The following FILIP1L variants were observed in gnomAD, a reference collection of about 807,000 sequenced individuals.
FILIP1L encodes the protein filamin A-interacting protein 1-like.
In FILIP1L, 55 loss-of-function variants were observed where a neutral mutation model predicts 96.6. The observed-to-expected ratio is 0.57, with a 90% confidence interval of 0.46 to 0.71. The LOEUF (loss-of-function observed/expected upper bound fraction) is 0.71, where lower values mean the gene tolerates loss of function less well. Ranked by LOEUF, FILIP1L falls within the 30% of genes least tolerant of loss-of-function variation. The pLI is 0.00. For synonymous variants in FILIP1L, 467 were observed against 473.9 expected (o/e 0.99, Z 0.19); for missense variants, 1,304 against 1,321.2 (o/e 0.99, Z 0.20).
intron 4 of FILIP1L, among the ~76,000 whole-genome samples, chr3:99,868,177 T>TA (rs1329129475): frequency 6.6e-6 from 1 of 152,192 alleles, no homozygotes; most frequent in East Asian, 1.9e-4. Flanking sequence ...AGTTGTTTCT[T>TA]ACTTCAGATG....
chr3:99,832,253 C>T (rs573653507), intron 5 of FILIP1L, among the ~76,000 whole-genome samples: 70 of 142,866 alleles, frequency 4.9e-4, no homozygotes, highest in African/African-American at 1.6e-3. Context: ...TTTTTTGAGA[C>T]GGAGTCTCGC....
At chr3:100,025,752 A>G (rs1033457746) in intron 1 of FILIP1L, among the ~76,000 whole-genome samples, 1 of 152,144 alleles carries the variant, frequency 6.6e-6, no homozygotes, top group South Asian at 2.1e-4. Flanking sequence ...CTAAATAATC[A>G]TCTAGAATAG....
At chr3:99,876,398 C>T (rs1405698547) in intron 4 of FILIP1L, among the ~76,000 whole-genome samples, 1 of 152,150 alleles carries the variant, frequency 6.6e-6, no homozygotes, top group Non-Finnish European at 1.5e-5. Flanking sequence ...GGCCGGTGGG[C>T]CGGGGCGCCG....
At chr3:99,854,333 A>C (rs752494014) in intron 4 of FILIP1L, among the ~76,000 whole-genome samples, 1 of 152,210 alleles carries the variant, frequency 6.6e-6, no homozygotes, top group South Asian at 2.1e-4. Context: ...GCAGGTTATC[A>C]TGAACTCTCG....
chr3:100,068,617 A>G (rs1253687747), intron 1 of FILIP1L, among the ~76,000 whole-genome samples: 3 of 152,144 alleles, frequency 2.0e-5, no homozygotes, highest in South Asian at 2.1e-4. Flanking sequence ...AAATTCTGAA[A>G]CAATAGTTTT....
intron 1 of FILIP1L, among the ~76,000 whole-genome samples, chr3:100,081,139 T>G (rs2065925551): frequency 6.6e-6 from 1 of 152,158 alleles, no homozygotes; most frequent in South Asian, 2.1e-4. Context: ...TTGAAAAGAA[T>G]TGCAGAACTT....
chr3:99,966,379 C>T (rs1022685034), intron 1 of FILIP1L, among the ~76,000 whole-genome samples: 7 of 152,088 alleles, frequency 4.6e-5, no homozygotes, highest in Non-Finnish European at 1.0e-4. Context: ...CTGAACCCTT[C>T]CAGAAAATTG....
intron 5 of FILIP1L, chr3:99,848,069 G>A: frequency 2.3e-6 from 3 of 1,310,030 alleles, no homozygotes; most frequent in Non-Finnish European, 2.9e-6. Context: ...TTCCATACAA[G>A]TATGTAAATG....
At chr3:99,869,588 G>T (rs1201974543) in intron 4 of FILIP1L, among the ~76,000 whole-genome samples, 1 of 152,004 alleles carries the variant, frequency 6.6e-6, no homozygotes, top group Non-Finnish European at 1.5e-5. Flanking sequence ...TCACTGAATG[G>T]GTGTTTGTCT....
At chr3:100,050,502 CTG>C (rs1169808331) in intron 1 of FILIP1L, among the ~76,000 whole-genome samples, 5 of 152,250 alleles carry the variant, frequency 3.3e-5, no homozygotes, top group African/African-American at 7.2e-5. Flanking sequence ...AGAGGCATCT[CTG>C]TAAATTCCCA....
intron 1 of FILIP1L, among the ~76,000 whole-genome samples, chr3:99,947,657 CATT>C (rs1708050947): frequency 6.6e-6 from 1 of 152,184 alleles, no homozygotes; most frequent in Non-Finnish European, 1.5e-5. Context: ...AACTCATAAT[CATT>C]ATTCTACCTC....
At chr3:99,954,010 C>A (rs927892010) in intron 1 of FILIP1L, among the ~76,000 whole-genome samples, 1 of 152,180 alleles carries the variant, frequency 6.6e-6, no homozygotes, top group Non-Finnish European at 1.5e-5. Flanking sequence ...TTTTGTTGCA[C>A]CCTTAAGAGA....
chr3:99,957,693 C>CTTTTTTTTTT lies in FILIP1L; in HGVS notation c.-10-26673_-10-26664dup, dbSNP rs779350496. 5.8e-3 allele frequency among the ~76,000 whole-genome samples: 116 copies of CTTTTTTTTTT among 19,884 alleles called. 20 individuals are homozygous for CTTTTTTTTTT. The highest frequency in any genetic ancestry group is 0.012 in the African/African-American group (74 of 5,968). 13.0% of individuals were successfully genotyped at this position (19,884 alleles called of 152,430 possible). ...TTCTCCTTTTCTCTTTTCTTTCTTT[C>CTTTTTTTTTT]TTTTTTTTTTTTTTTTTTTTTTTTT... On this transcript the variant is annotated intron_variant, in intron 1 of 5. Coordinates refer to ENST00000477258, the MANE Select transcript of FILIP1L (RefSeq NM_001387850.1).
intron 1 of FILIP1L, among the ~76,000 whole-genome samples, chr3:100,086,615 C>G (rs868536076): frequency 5.9e-5 from 9 of 152,302 alleles, no homozygotes; most frequent in Middle Eastern, 3.4e-3. Flanking sequence ...ATGTGCCTTC[C>G]TATGAATCAT....
At position 99,881,655 on chromosome 3, in the gene FILIP1L, C is replaced by T. The variant is rs549331940; in HGVS notation, c.606-30585G>A. On this transcript the variant is annotated intron_variant, in intron 4 of 5. Coordinates refer to ENST00000477258, the MANE Select transcript of FILIP1L (RefSeq NM_001387850.1). ...TCAGACAGTTCTCCTGCCTCAGCCT[C>T]CCTAGTAGCTGGGATTATACATGTG... Among the ~76,000 whole-genome samples the T allele has an allele frequency of 3.9e-5, 6 of 152,176 alleles. No homozygotes were observed. The East Asian group carries it at 1.2e-3, about 29-fold the overall frequency.
chr3:100,080,530 A>G (rs2065917392), intron 1 of FILIP1L, among the ~76,000 whole-genome samples: 2 of 152,200 alleles, frequency 1.3e-5, no homozygotes, highest in Non-Finnish European at 2.9e-5. Flanking sequence ...ATGCAGATAT[A>G]GGTGATCTGT....
intron 1 of FILIP1L, among the ~76,000 whole-genome samples, chr3:100,013,155 G>GATTTTTGTGCCCT (rs1710212756): frequency 6.6e-6 from 1 of 151,994 alleles, no homozygotes; most frequent in African/African-American, 2.4e-5. Context: ...GGGATTGTTG[G>GATTTTTGTGCCCT]CATGAGCTAC....
At chr3:99,885,542 T>TA (rs957501568) in intron 4 of FILIP1L, among the ~76,000 whole-genome samples, 2 of 152,254 alleles carry the variant, frequency 1.3e-5, no homozygotes, top group African/African-American at 4.8e-5. Flanking sequence ...TTCATAAACT[T>TA]ACTTTGATAC....
intron 1 of FILIP1L, among the ~76,000 whole-genome samples, chr3:100,021,390 T>C (rs2064814530): frequency 1.3e-5 from 2 of 152,204 alleles, no homozygotes; most frequent in Admixed American, 1.3e-4. Flanking sequence ...GCATTTTTAT[T>C]TCAAGAAATA....
Sources: allele counts gnomAD v4.1 joint callset (sites outside exome capture counted in the v4.1 genomes callset), GRCh38; gene constraint gnomAD v4.1.1; transcripts MANE v1.5; gene names NCBI Gene and HGNC (gene_info 2026-07-23, HGNC 2026-07-21).